Variants in PCDH15 observed in about 807,000 individuals in gnomAD.
The protein encoded by PCDH15 is protocadherin related 15.
Under a neutral mutation model 178.5 loss-of-function variants are expected in PCDH15, and 129 were observed. The observed-to-expected ratio is 0.72, with a 90% CI of 0.63 to 0.84. PCDH15 has a LOEUF of 0.84. Ranked by LOEUF, PCDH15 falls within the 40% of genes least tolerant of loss-of-function variation. The probability of loss-of-function intolerance (pLI) is 0.00; values close to 1 mark genes in which losing one functional copy is unlikely to be tolerated. For missense variants in PCDH15, 2,230 were observed against 2,099.9 expected (o/e 1.06, Z -1.21); for synonymous variants, 800 against 732.0 (o/e 1.09, Z -1.50).
intron 2 of PCDH15, among the ~76,000 whole-genome samples, chr10:54,995,636 C>A (rs1019724079): frequency 1.3e-5 from 2 of 151,140 alleles, no homozygotes; most frequent in African/African-American, 4.9e-5. Context: ...CCCTCCCCCC[C>A]ACGCCCCAAA....
intron 8 of PCDH15, among the ~76,000 whole-genome samples, chr10:54,242,146 A>ATATATATTTT (rs1564769369): frequency 1.5e-5 from 1 of 65,154 alleles, no homozygotes; most frequent in African/African-American, 8.4e-5. Flanking sequence ...ATATATATAT[A>ATATATATTTT]TATATATATA....
intron 3 of PCDH15, among the ~76,000 whole-genome samples, chr10:54,406,308 T>TA (rs961423785): frequency 1.7e-4 from 26 of 151,988 alleles, no homozygotes; most frequent in African/African-American, 6.3e-4. Context: ...TAAGATGTAC[T>TA]AAAAAGCCAC....
At chr10:55,210,869 G>T (rs1337738317) in intron 1 of PCDH15, among the ~76,000 whole-genome samples, 1 of 151,486 alleles carries the variant, frequency 6.6e-6, no homozygotes, top group East Asian at 1.9e-4. Flanking sequence ...CTCGTGATAC[G>T]CCCGCCTCGG....
intron 2 of PCDH15, among the ~76,000 whole-genome samples, chr10:55,398,961 A>G (rs1837995499): frequency 6.6e-6 from 1 of 152,198 alleles, no homozygotes; most frequent in Non-Finnish European, 1.5e-5. Context: ...ATATGAATGA[A>G]AAAATGTTGT....
chr10:53,894,016 G>T (rs575709853), intron 26 of PCDH15, among the ~76,000 whole-genome samples: 6 of 152,156 alleles, frequency 3.9e-5, no homozygotes, highest in African/African-American at 9.6e-5. Context: ...TGTCAGGGGG[G>T]TTTGTTGTAC....
intron 2 of PCDH15, among the ~76,000 whole-genome samples, chr10:55,540,899 T>C (rs1276036438): frequency 6.6e-6 from 1 of 152,098 alleles, no homozygotes; most frequent in East Asian, 1.9e-4. Context: ...ATAACGTCTG[T>C]AGAATTGCCA....
At chr10:54,992,969 A>C (rs1310276565) in intron 2 of PCDH15, among the ~76,000 whole-genome samples, 1 of 148,854 alleles carries the variant, frequency 6.7e-6, no homozygotes. Flanking sequence ...AAAATAGTCC[A>C]AGTAAGTCAG....
At chr10:54,163,076 C>G (rs1564570753) in intron 13 of PCDH15, among the ~76,000 whole-genome samples, 1 of 152,006 alleles carries the variant, frequency 6.6e-6, no homozygotes, top group Admixed American at 6.6e-5. Context: ...TTCTCAAGGG[C>G]AATTATAAGG....
At chr10:54,885,258 C>T (rs920965267) in intron 3 of PCDH15, among the ~76,000 whole-genome samples, 2 of 151,664 alleles carry the variant, frequency 1.3e-5, no homozygotes, top group African/African-American at 2.4e-5. Flanking sequence ...GCAAGGGCTT[C>T]AAGAAGGGGG....
At chr10:55,079,930 C>A (rs1206712527) in intron 2 of PCDH15, among the ~76,000 whole-genome samples, 1 of 151,842 alleles carries the variant, frequency 6.6e-6, no homozygotes, top group Non-Finnish European at 1.5e-5. Flanking sequence ...GATCTCAGGC[C>A]CCAGGTAGTG....
chr10:55,333,928 T>C (rs113993707), intron 2 of PCDH15, among the ~76,000 whole-genome samples: 4 of 151,944 alleles, frequency 2.6e-5, no homozygotes, highest in Non-Finnish European at 5.9e-5. Context: ...AAAGGATTAT[T>C]AGCATCCATG....
In PCDH15 at chr10:54,849,376, G is replaced by T. The variant is rs189522576; in HGVS notation, c.-29+48074C>A. On this transcript the variant is annotated intron_variant, in intron 3 of 5. Coordinates refer to the PCDH15 transcript ENST00000458638. ...TTATCTGCTTTCTTTTTATCTTCCC[G>T]ACCTTTTTCCAAATCTCTTGGCTGT... Among the ~76,000 whole-genome samples, 478 of 152,070 alleles carry T rather than the reference G, an allele frequency of 3.1e-3. 5 individuals are homozygous for T. The highest frequency in any genetic ancestry group is 0.011 in the African/African-American group (466 of 41,484).
chr10:54,973,900 T>A (rs1838997214), intron 2 of PCDH15, among the ~76,000 whole-genome samples: 1 of 152,014 alleles, frequency 6.6e-6, no homozygotes, highest in Admixed American at 6.6e-5. Context: ...TCTCTAAAAA[T>A]CTAAAATTAA....
intron 2 of PCDH15, among the ~76,000 whole-genome samples, chr10:54,630,207 A>C (rs1278614025): frequency 6.6e-6 from 1 of 152,192 alleles, no homozygotes; most frequent in Admixed American, 6.5e-5. Flanking sequence ...TGAATAGCTA[A>C]AGCAATACTA....
At chr10:54,912,945 T>G (rs534683058) in intron 2 of PCDH15, among the ~76,000 whole-genome samples, 4 of 152,222 alleles carry the variant, frequency 2.6e-5, no homozygotes, top group Admixed American at 2.0e-4. Context: ...GCATTGTGCC[T>G]CTGCTCAAGA....
chr10:54,488,768 C>A (rs2079323511), intron 3 of PCDH15, among the ~76,000 whole-genome samples: 1 of 151,698 alleles, frequency 6.6e-6, no homozygotes. Context: ...TACAGGAAGT[C>A]ATAGTTTTTG....
intron 21 of PCDH15, among the ~76,000 whole-genome samples, chr10:53,992,760 G>A (rs560701017): frequency 6.6e-6 from 1 of 152,288 alleles, no homozygotes; most frequent in Non-Finnish European, 1.5e-5. Flanking sequence ...CACTATTCAT[G>A]TCTCATGTGA....
At chr10:53,811,236 A>G (rs1406051833) in intron 36 of PCDH15, among the ~76,000 whole-genome samples, 3 of 152,188 alleles carry the variant, frequency 2.0e-5, no homozygotes, top group African/African-American at 4.8e-5. Flanking sequence ...TCTTATATGA[A>G]AGAAATGGTG....
intron 37 of PCDH15, chr10:53,808,771 G>T (rs955886333): frequency 1.1e-5 from 17 of 1,612,212 alleles, no homozygotes; most frequent in Non-Finnish European, 1.4e-5. Flanking sequence ...GTCATACGCT[G>T]GTACCTGATA....
Sources: gnomAD v4.1 joint callset for allele counts (sites outside exome capture counted in the v4.1 genomes callset) on GRCh38, gnomAD v4.1.1 for gene constraint, MANE v1.5 for transcripts, NCBI Gene and HGNC (gene_info 2026-07-23, HGNC 2026-07-21) for gene names.